FHIT: variants seen among roughly 807,000 people sequenced by gnomAD.
The protein encoded by FHIT is fragile histidine triad diadenosine triphosphatase.
Under a neutral mutation model 17.9 loss-of-function variants are expected in FHIT, and 19 were observed. The observed-to-expected ratio is 1.06, with a 90% CI of 0.74 to 1.56. FHIT has a LOEUF of 1.56. FHIT is among the 40% of genes most tolerant of loss of function. The probability of loss-of-function intolerance (pLI) is 0.00; values close to 1 mark genes in which losing one functional copy is unlikely to be tolerated. For missense variants in FHIT, 248 were observed against 189.2 expected (o/e 1.31, Z -1.82); for synonymous variants, 81 against 69.7 (o/e 1.16, Z -0.81).
At chr3:59,911,809 G>A (rs973462894) in intron 8 of FHIT, among the ~76,000 whole-genome samples, 3 of 152,266 alleles carry the variant, frequency 2.0e-5, no homozygotes, top group Admixed American at 1.3e-4. Context: ...CTGAGGATTC[G>A]GAGAACCAGG....
At chr3:59,991,102 A>G (rs146928233) in intron 7 of FHIT, among the ~76,000 whole-genome samples, 1 of 152,166 alleles carries the variant, frequency 6.6e-6, no homozygotes, top group East Asian at 1.9e-4. Flanking sequence ...CATGAGATCA[A>G]GGGCCACATC....
chr3:60,923,166 T>C (rs560934474), intron 3 of FHIT, among the ~76,000 whole-genome samples: 3 of 152,230 alleles, frequency 2.0e-5, no homozygotes, highest in African/African-American at 7.2e-5. Flanking sequence ...TTATCCCACA[T>C]GGGTTTACCT....
intron 5 of FHIT, among the ~76,000 whole-genome samples, chr3:60,065,527 T>G (rs367969290): frequency 2.8e-4 from 43 of 152,272 alleles, no homozygotes; most frequent in East Asian, 2.3e-3. Flanking sequence ...TAAAAGTACC[T>G]GAGAAATTCT....
intron 3 of FHIT, among the ~76,000 whole-genome samples, chr3:60,902,634 C>T (rs1553763468): frequency 1.3e-5 from 2 of 152,186 alleles, no homozygotes; most frequent in Non-Finnish European, 1.5e-5. Context: ...ATAATGGAAA[C>T]TGTTTCTGGT....
chr3:60,358,622 G>A (rs1392029238), intron 5 of FHIT, among the ~76,000 whole-genome samples: 2 of 152,174 alleles, frequency 1.3e-5, no homozygotes. Flanking sequence ...CATAGTGAAA[G>A]GCTAATAAAC....
chr3:60,588,463 A>G (rs1233363968), intron 4 of FHIT, among the ~76,000 whole-genome samples: 2 of 151,946 alleles, frequency 1.3e-5, no homozygotes, highest in Non-Finnish European at 2.9e-5. Context: ...GGAAGGAGAA[A>G]GGGAGAAAAA....
At chr3:59,867,130 T>A (rs898084498) in intron 8 of FHIT, among the ~76,000 whole-genome samples, 1 of 78,058 alleles carries the variant, frequency 1.3e-5, no homozygotes, top group African/African-American at 8.0e-5. Flanking sequence ...CAACGTGAGG[T>A]ATGGCAAAAT....
intron 8 of FHIT, among the ~76,000 whole-genome samples, chr3:59,768,891 A>C (rs1701934897): frequency 6.6e-6 from 1 of 151,718 alleles, no homozygotes; most frequent in South Asian, 2.1e-4. Context: ...GGCCTTCGCC[A>C]ATCTTAAAAT....
At chr3:60,042,584 T>A (rs1701485526) in intron 5 of FHIT, among the ~76,000 whole-genome samples, 1 of 152,074 alleles carries the variant, frequency 6.6e-6, no homozygotes, top group Non-Finnish European at 1.5e-5. Flanking sequence ...TGTTGCTATG[T>A]CTAAATTTCC....
chr3:60,732,118 T>C, intron 4 of FHIT: 1 of 695,648 alleles, frequency 1.4e-6, no homozygotes, highest in Non-Finnish European at 2.5e-6. Context: ...AATGGTCTGG[T>C]GGTTAAGAGA....
intron 1 of FHIT, among the ~76,000 whole-genome samples, chr3:61,249,606 A>G (rs2040564691): frequency 1.3e-5 from 2 of 152,174 alleles, no homozygotes; most frequent in Admixed American, 1.3e-4. Flanking sequence ...AACTTGAACA[A>G]GTTACTTAAC....
At chr3:60,038,867 C>G (rs1559572058) in intron 5 of FHIT, among the ~76,000 whole-genome samples, 2 of 152,184 alleles carry the variant, frequency 1.3e-5, no homozygotes, top group Non-Finnish European at 2.9e-5. Context: ...ACAATGCCTA[C>G]AGTTCCGATT....
intron 8 of FHIT, among the ~76,000 whole-genome samples, chr3:59,916,208 G>A (rs894941528): frequency 2.6e-5 from 4 of 152,172 alleles, no homozygotes; most frequent in East Asian, 1.9e-4. Context: ...TGAGTTTTCC[G>A]GCCTTCATCT....
intron 4 of FHIT, among the ~76,000 whole-genome samples, chr3:60,767,397 C>T (rs2108066910): frequency 1.3e-5 from 2 of 152,248 alleles, no homozygotes; most frequent in South Asian, 4.1e-4. Flanking sequence ...TCTTACATCC[C>T]TTCTATGAAG....
intron 7 of FHIT, among the ~76,000 whole-genome samples, chr3:59,949,721 CACAT>C (rs1707018020): frequency 6.6e-6 from 1 of 152,334 alleles, no homozygotes; most frequent in South Asian, 2.1e-4. Flanking sequence ...TAATTAAGAA[CACAT>C]ACATTTCAGA....
chr3:60,548,640 G>A (rs981071714), intron 4 of FHIT, among the ~76,000 whole-genome samples: 2 of 152,104 alleles, frequency 1.3e-5, no homozygotes, highest in Non-Finnish European at 1.5e-5. Context: ...GGTCCTCTAA[G>A]TAGCAACAAC....
intron 2 of FHIT, among the ~76,000 whole-genome samples, chr3:61,105,590 A>C (rs2035966774): frequency 6.6e-6 from 1 of 152,080 alleles, no homozygotes. Context: ...AGTGGTCTGC[A>C]TATTTGGCCC....
intron 5 of FHIT, among the ~76,000 whole-genome samples, chr3:60,533,436 T>C (rs959980993): frequency 6.6e-6 from 1 of 152,176 alleles, no homozygotes; most frequent in African/African-American, 2.4e-5. Flanking sequence ...AAGCAAAGAC[T>C]CAGTGCAGAC....
At position 59,752,249 on chromosome 3, in the gene FHIT, C is replaced by A. The variant is rs200185369; in HGVS notation, c.421G>T (p.Ala141Ser). 38 of 1,612,744 alleles carry A rather than the reference C, an allele frequency of 2.4e-5. No individual in the cohort carries two copies. Among genetic ancestry groups the A allele is most frequent in the Non-Finnish European group, 3.1e-5 (37 of 1,179,222 alleles). The change falls in exon 9 of 10, where the codon GCT becomes TCT. Residue 141 changes from alanine (A) to serine (S), a missense_variant. Ala to Ser is a moderately conservative substitution (Grantham distance 99). Coordinates refer to ENST00000492590, the MANE Select transcript of FHIT (RefSeq NM_002012.4). The part of the protein sequence containing the change: ...SEEEMAAEAA[A>S]LRVYFQ The stretch of plus-strand genomic sequence containing the variant: ...TGTCACTGAAAGTAGACCCGCAGAG[C>A]TGCGGCTTCTGCTGCCATTTCCTCC...
Sources: allele counts gnomAD v4.1 joint callset (sites outside exome capture counted in the v4.1 genomes callset), GRCh38; gene constraint gnomAD v4.1.1; transcripts MANE v1.5; gene names NCBI Gene and HGNC (gene_info 2026-07-23, HGNC 2026-07-21).